The following TRPM1 variants were observed in gnomAD, a reference collection of about 807,000 sequenced individuals.
TRPM1 encodes the protein transient receptor potential cation channel subfamily M member 1.
TRPM1 carries 113 observed loss-of-function variants against 149.4 expected under a neutral mutation model. The observed-to-expected ratio is 0.76, with a 90% confidence interval of 0.65 to 0.88. TRPM1 has a LOEUF of 0.88. Ranked by LOEUF, TRPM1 falls within the 40% of genes least tolerant of loss-of-function variation. The pLI is 0.00. For synonymous variants in TRPM1, 741 were observed against 759.5 expected (o/e 0.98, Z 0.40); for missense variants, 1,976 against 2,038.7 (o/e 0.97, Z 0.59).
chr15:31,120,252 G>A (rs965596352), intron 1 of TRPM1, among the ~76,000 whole-genome samples: 18 of 152,072 alleles, frequency 1.2e-4, no homozygotes, highest in African/African-American at 4.1e-4. Flanking sequence ...GAAAGCTGGA[G>A]TAGCTATATT....
At chr15:31,024,750 A>G (rs937455741) in intron 27 of TRPM1, among the ~76,000 whole-genome samples, 1 of 152,254 alleles carries the variant, frequency 6.6e-6, no homozygotes, top group African/African-American at 2.4e-5. Context: ...GTCTAACTAA[A>G]AAGTGGAAAT....
At chr15:31,125,729 CAAAAAAAAAAA>C (rs59878175) in intron 1 of TRPM1, among the ~76,000 whole-genome samples, 1 of 52,764 alleles carries the variant, frequency 1.9e-5, no homozygotes, top group African/African-American at 7.3e-5. Context: ...GACTCCGTCT[CAAAAAAAAAAA>C]AAAAAAAAAA....
chr15:31,073,291 C>T, intron 3 of TRPM1, among the ~76,000 whole-genome samples: 1 of 152,046 alleles, frequency 6.6e-6, no homozygotes, highest in East Asian at 1.9e-4. Context: ...TACTTTTCAC[C>T]CTTGCCAAAA....
At chr15:31,074,943 G>C (rs767253069) in intron 3 of TRPM1, among the ~76,000 whole-genome samples, 16 of 151,994 alleles carry the variant, frequency 1.1e-4, no homozygotes, top group Non-Finnish European at 2.2e-4. Flanking sequence ...GTGGTTATCT[G>C]GTAGTGTATT....
chr15:31,029,501 CATA>C, intron 23 of TRPM1, 110 bp from the exon 24 acceptor site: 1 of 1,075,646 alleles, frequency 9.3e-7, no homozygotes, highest in Non-Finnish European at 1.4e-6. Context: ...GGTTTAACAA[CATA>C]ACTGTTTTGC....
chr15:31,062,532 T>A, intron 9 of TRPM1, 47 bp downstream of exon 9: 1 of 1,611,734 alleles, frequency 6.2e-7, no homozygotes, highest in East Asian at 2.2e-5. Context: ...AAAGGAAACA[T>A]AATTCTCTCC....
intron 1 of TRPM1, among the ~76,000 whole-genome samples, chr15:31,127,651 A>C (rs2035967500): frequency 6.6e-6 from 1 of 152,234 alleles, no homozygotes; most frequent in African/African-American, 2.4e-5. Flanking sequence ...GTGGAGTCAC[A>C]AAGAGCTCAG....
rs773212571 is a variant in TRPM1, at chr15:31,032,737, A to G, written c.2904T>C (p.Phe968=). ...IFWYIRVLDI[F]GVNKYLGPYV... is the part of the protein sequence containing the mutation. ...ATGGCCCCAGATACTTGTTGACACCAAAGATGTCCAGGACACGGATGTACC... is the reference window on the plus strand; with the variant it reads ...ATGGCCCCAGATACTTGTTGACACCGAAGATGTCCAGGACACGGATGTACC... Residue 968 remains phenylalanine (F), a synonymous_variant, in exon 22 of 28, where the codon TTT becomes TTC. Coordinates refer to ENST00000256552, the MANE Select transcript of TRPM1 (RefSeq NM_001252024.2). 5.2e-5 allele frequency: 84 copies of G among 1,614,086 alleles called. No homozygotes were observed. Among genetic ancestry groups the G allele is most frequent in the Non-Finnish European group, 6.5e-5 (77 of 1,180,048 alleles).
rs139370689 is a variant in TRPM1, at chr15:31,084,286, C to T, written c.-83-2848G>A. 5.3e-5 allele frequency among the ~76,000 whole-genome samples: 8 copies of T among 152,212 alleles called. No individual in the cohort carries two copies. The East Asian group carries it at 1.5e-3, about 29-fold the overall frequency. ...ACATATAGTTCCAAGACTGTGAAAC[C>T]ATCACCACTACCTAATTCCAGAGCA... On this transcript the variant is annotated intron_variant, in intron 1 of 27. Coordinates refer to ENST00000256552, the MANE Select transcript of TRPM1 (RefSeq NM_001252024.2).
intron 1 of TRPM1, among the ~76,000 whole-genome samples, chr15:31,144,004 T>TATGGA (rs1423412208): frequency 6.6e-6 from 1 of 152,174 alleles, no homozygotes; most frequent in Non-Finnish European, 1.5e-5. Flanking sequence ...TGAGAATACG[T>TATGGA]ATGGAATGTT....
In TRPM1 at chr15:31,153,712, C is replaced by T. The variant is rs908145052; in HGVS notation, c.54+7194G>A. Among the ~76,000 whole-genome samples, 25 of 152,292 alleles carry T rather than the reference C, an allele frequency of 1.6e-4. No homozygotes were observed. The South Asian group carries it at 1.7e-3, about 10-fold the overall frequency. On this transcript the variant is annotated intron_variant, in intron 1 of 26. Coordinates refer to the TRPM1 transcript ENST00000542188. ...TTATCATCTGGAAGCCTCCCCTCCC[C>T]GCCCTTCAAGATTTTCTGCTTTTCC...
chr15:31,004,736 A>G (rs1009735001), intron 27 of TRPM1, among the ~76,000 whole-genome samples: 2 of 152,140 alleles, frequency 1.3e-5, no homozygotes, highest in African/African-American at 4.8e-5. Flanking sequence ...TGCATTTCAG[A>G]GACCAACAGA....
intron 11 of TRPM1, among the ~76,000 whole-genome samples, chr15:31,057,081 G>A (rs1287657142): frequency 1.3e-5 from 2 of 152,222 alleles, no homozygotes; most frequent in Non-Finnish European, 2.9e-5. Flanking sequence ...GATGTCTGAT[G>A]TAGACAACTG....
chr15:31,082,779 C>T (rs994666706), intron 1 of TRPM1, among the ~76,000 whole-genome samples: 1 of 152,066 alleles, frequency 6.6e-6, no homozygotes, highest in Non-Finnish European at 1.5e-5. Context: ...CTCAGGTGCA[C>T]GTTGTCATGT....
intron 19 of TRPM1, 95 bp downstream of exon 19, chr15:31,037,949 A>C (rs939574188): frequency 1.2e-6 from 2 of 1,611,844 alleles, no homozygotes; most frequent in Non-Finnish European, 1.7e-6. Context: ...AAATACCTTT[A>C]ACCAGTGAGA....
chr15:31,076,839 A>G, intron 3 of TRPM1, 66 bp downstream of exon 3: 1 of 1,292,120 alleles, frequency 7.7e-7, no homozygotes, highest in Non-Finnish European at 1.1e-6. Flanking sequence ...TGCCTCTTAC[A>G]AACATGAGAA....
At chr15:31,141,757 T>A (rs1380892146) in intron 1 of TRPM1, among the ~76,000 whole-genome samples, 1 of 152,244 alleles carries the variant, frequency 6.6e-6, no homozygotes, top group Non-Finnish European at 1.5e-5. Flanking sequence ...TTTGTGGAAG[T>A]AAAATCTTAT....
At chr15:31,112,180 C>T (rs1274703607) in intron 1 of TRPM1, among the ~76,000 whole-genome samples, 1 of 152,096 alleles carries the variant, frequency 6.6e-6, no homozygotes, top group Non-Finnish European at 1.5e-5. Context: ...TCCTTCTTCC[C>T]GAGTTGATTC....
chr15:31,131,563 C>G (rs778815704), intron 1 of TRPM1, among the ~76,000 whole-genome samples: 1 of 152,206 alleles, frequency 6.6e-6, no homozygotes, highest in Non-Finnish European at 1.5e-5. Context: ...AAGACATGGA[C>G]AGCGATGTGT....
Sources: gnomAD v4.1 joint callset for allele counts (sites outside exome capture counted in the v4.1 genomes callset) on GRCh38, gnomAD v4.1.1 for gene constraint, MANE v1.5 for transcripts, NCBI Gene and HGNC (gene_info 2026-07-23, HGNC 2026-07-21) for gene names.